The following IGFBP1 variants were observed in gnomAD, a reference collection of about 807,000 sequenced individuals.
IGFBP1 encodes the protein insulin-like growth factor-binding protein 1.
Under a neutral mutation model 23.1 loss-of-function variants are expected in IGFBP1, and 31 were observed. The observed-to-expected ratio is 1.34, with a 90% CI of 1.01 to 1.81. The LOEUF (loss-of-function observed/expected upper bound fraction) is 1.81, where lower values mean the gene tolerates loss of function less well. Among genes scored for constraint, IGFBP1 ranks in the 40% most tolerant of loss-of-function variants. The pLI is 0.00. For synonymous variants in IGFBP1, 148 were observed against 145.5 expected (o/e 1.02, Z -0.13); for missense variants, 333 against 342.2 (o/e 0.97, Z 0.21).
chr7:45,888,984 C>T lies in IGFBP1; in HGVS notation c.332C>T (p.Ser111Phe), dbSNP rs1331885776. The T allele has an allele frequency of 6.6e-7, 1 of 1,518,390 alleles. No homozygotes were observed. Among genetic ancestry groups the T allele is most frequent in the Non-Finnish European group, 8.8e-7 (1 of 1,139,824 alleles). The allele number at this position is 1,518,390 out of a possible 1,614,324, so 94.1% of individuals were successfully genotyped here. A position where few individuals can be genotyped will look rare whatever the true frequency, so the allele number is the denominator to read the frequency against. Residue 111 changes from serine (S) to phenylalanine (F), a missense_variant, in exon 1 of 4, where the codon TCC (serine) becomes TTC (phenylalanine). Transcript: ENST00000275525. Reference sequence around the variant, plus strand: ...GCCTGCGTGCAGGAGTCTGACGCCTCCGCTCCCCATGCTGCAGGTACCACA... The same window carrying T: ...GCCTGCGTGCAGGAGTCTGACGCCTTCGCTCCCCATGCTGCAGGTACCACA... ...QGACVQESDA[S>F]APHAAEAGSP... is the part of the protein sequence containing the mutation.
Position 45,892,981 on chromosome 7 carries a change from G to A in IGFBP1, c.670G>A (p.Glu224Lys). ...SRQCETSMDG[E>K]AGLCWCVYPW... ...GCAGTGTGAGACATCCATGGATGGA[G>A]AGGCGGGACTCTGCTGGTGCGTCTA... The change falls in exon 4 of 4, where the codon GAG (glutamate) becomes AAG (lysine). Residue 224 changes from glutamate to lysine, a missense_variant. Glu to Lys is a moderately conservative substitution (Grantham distance 56). Transcript: ENST00000275525. 1 of 1,612,924 alleles carries A rather than the reference G, an allele frequency of 6.2e-7. No homozygotes were observed. Among genetic ancestry groups the A allele is most frequent in the Non-Finnish European group, 8.5e-7 (1 of 1,179,376 alleles).
rs1020324299 is a variant in IGFBP1, at chr7:45,893,063, G to A, written c.752G>A (p.Cys251Tyr). 9 of 1,612,196 alleles carry A rather than the reference G, an allele frequency of 5.6e-6. No homozygotes were observed. ...CCAGAGATCAGGGGAGACCCCAACT[G>A]CCAGATATATTTTAATGTACAAAAC... ...GSPEIRGDPN[C>Y]QIYFNVQN is the part of the protein sequence containing the mutation. The change falls in exon 4 of 4, where the codon TGC (cysteine) becomes TAC (tyrosine). Residue 251 changes from cysteine (C) to tyrosine (Y), a missense_variant. Coordinates refer to ENST00000275525, the MANE Select transcript of IGFBP1 (RefSeq NM_000596.4).
rs936678582 is a variant in IGFBP1, at chr7:45,889,278, T to G, written c.349+277T>G. The stretch of plus-strand genomic sequence containing the variant: ...GGAGACTCAAGGAGGAAGCTCCCAC[T>G]TGGCCCTCGTAGCCCAGAGATCTTT... On this transcript the variant is annotated intron_variant, in intron 1 of 3. Transcript: ENST00000275525. Among the ~76,000 whole-genome samples the G allele has an allele frequency of 4.6e-5, 7 of 152,190 alleles. No homozygotes were observed. In the South Asian group the frequency reaches 1.4e-3, roughly 31 times the overall value.
chr7:45,891,952 C>T lies in IGFBP1; in HGVS notation c.540C>T (p.Leu180=), dbSNP rs371271611. 6.2e-6 allele frequency: 10 copies of T among 1,613,740 alleles called. No individual in the cohort carries two copies. The African/African-American group carries it at 1.2e-4, about 19-fold the overall frequency. The change falls in exon 3 of 4, where the codon CTC becomes CTT. Residue 180 remains leucine (L), a synonymous_variant. Transcript: ENST00000275525. ...KKWKEPCRIE[L]YRVVESLAKA... Reference sequence around the variant, plus strand: ...CTTAGGAGCCCTGCCGAATAGAACTCTACAGAGTCGTAGAGAGTTTAGCCA... The same window carrying T: ...CTTAGGAGCCCTGCCGAATAGAACTTTACAGAGTCGTAGAGAGTTTAGCCA...
Position 45,891,944 on chromosome 7 carries a change from A to G in IGFBP1, c.532A>G (p.Ile178Val). Residue 178 changes from isoleucine (I) to valine (V), a missense_variant, in exon 3 of 4, where the codon ATA becomes GTA. Physicochemically the swap from Ile to Val is conservative, Grantham distance 29. Coordinates refer to ENST00000275525, the MANE Select transcript of IGFBP1 (RefSeq NM_000596.4). ...NIKKWKEPCR[I>V]ELYRVVESLA... Reference sequence around the variant, plus strand: ...GTTATTCTCTTAGGAGCCCTGCCGAATAGAACTCTACAGAGTCGTAGAGAG... The same window carrying G: ...GTTATTCTCTTAGGAGCCCTGCCGAGTAGAACTCTACAGAGTCGTAGAGAG... The G allele has an allele frequency of 6.2e-7, 1 of 1,612,898 alleles. No individual in the cohort carries two copies.
Position 45,892,001 on chromosome 7 carries a change from G to T in IGFBP1, c.589G>T (p.Glu197Ter), listed in dbSNP as rs1787087574. ...LAKAQETSGE[E>*]ISKFYLPNCN... ...CAAGGCACAGGAGACATCAGGAGAA[G>T]AAATTTCCAAATTTTACCTGCCAAA... Residue 197 changes from glutamate to a stop codon, truncating the protein, a stop_gained, in exon 3 of 4, where the codon GAA (glutamate) becomes TAA (stop). Coordinates refer to ENST00000275525, the MANE Select transcript of IGFBP1 (RefSeq NM_000596.4). LOFTEE classifies it high-confidence loss of function. The T allele has an allele frequency of 6.2e-7, 1 of 1,614,076 alleles. No homozygotes were observed. The highest frequency in any genetic ancestry group is 1.3e-5 in the African/African-American group (1 of 74,942).
Position 45,893,056 on chromosome 7 carries a change from C to T in IGFBP1, c.745C>T (p.Pro249Ser). The T allele has an allele frequency of 6.2e-7, 1 of 1,612,246 alleles. No homozygotes were observed. The highest frequency in any genetic ancestry group is 8.5e-7 in the Non-Finnish European group (1 of 1,178,516). ...TGGGTCTCCAGAGATCAGGGGAGAC[C>T]CCAACTGCCAGATATATTTTAATGT... is the stretch of plus-strand genomic sequence containing the variant. Reference protein sequence around the residue: ...IPGSPEIRGDPNCQIYFNVQN With the variant: ...IPGSPEIRGDSNCQIYFNVQN Residue 249 changes from proline to serine, a missense_variant, in exon 4 of 4, where the codon CCC becomes TCC. Physicochemically the swap from Pro to Ser is moderately conservative, Grantham distance 74. Coordinates refer to ENST00000275525, the MANE Select transcript of IGFBP1 (RefSeq NM_000596.4).
rs1213194448 is a variant in IGFBP1 at position 45,888,842 on chromosome 7, G to T, written c.190G>T (p.Ala64Ser). 1 of 1,535,632 alleles carries T rather than the reference G, an allele frequency of 6.5e-7. No individual in the cohort carries two copies. The highest frequency in any genetic ancestry group is 1.2e-5 in the South Asian group (1 of 84,438). Residue 64 changes from alanine to serine, a missense_variant, in exon 1 of 4, where the codon GCC becomes TCC. Ala to Ser is a moderately conservative substitution (Grantham distance 99). Transcript: ENST00000275525. ...SAGCGCCPMC[A>S]LPLGAACGVA... is the part of the protein sequence containing the mutation. ...CGGCTGCGGCTGTTGCCCGATGTGC[G>T]CCCTGCCTCTGGGCGCCGCGTGCGG... is the stretch of plus-strand genomic sequence containing the variant.
rs775494697 is a variant in IGFBP1 at position 45,888,704 on chromosome 7, G to C, written c.52G>C (p.Val18Leu). 16 of 1,597,362 alleles carry C rather than the reference G, an allele frequency of 1.0e-5. No homozygotes were observed. The Admixed American group carries it at 1.2e-4, about 12-fold the overall frequency. The change falls in exon 1 of 4, where the codon GTC (valine) becomes CTC (leucine). Residue 18 changes from valine to leucine, a missense_variant. Val to Leu is a conservative substitution (Grantham distance 32). Coordinates refer to ENST00000275525, the MANE Select transcript of IGFBP1 (RefSeq NM_000596.4). ...CTGGCTGGTACTGCTCCTGCTGACT[G>C]TCCAGGTCGGCGTGACAGCCGGCGC... ...RVWLVLLLLT[V>L]QVGVTAGAPW...
At chr7:45,890,740 TG>T in intron 2 of IGFBP1, 23 bp downstream of exon 2, 1 of 1,579,710 alleles carries the variant, frequency 6.3e-7, no homozygotes. Context: ...AGGTGGGTGG[TG>T]GGAACTCTCC....
chr7:45,890,869 A>T, intron 2 of IGFBP1, 152 bp downstream of exon 2: 1 of 670,276 alleles, frequency 1.5e-6, no homozygotes, highest in Non-Finnish European at 2.4e-6. Flanking sequence ...TTTCTCAGTT[A>T]AACTTTGTCA....
chr7:45,890,672 T>C lies in IGFBP1; in HGVS notation c.474T>C (p.Tyr158=). 1 of 1,612,908 alleles carries C rather than the reference T, an allele frequency of 6.2e-7. No homozygotes were observed. Among genetic ancestry groups the C allele is most frequent in the Non-Finnish European group, 8.5e-7 (1 of 1,179,570 alleles). Residue 158 remains tyrosine (Y), a synonymous_variant, in exon 2 of 4, where the codon TAT becomes TAC. Coordinates refer to ENST00000275525, the MANE Select transcript of IGFBP1 (RefSeq NM_000596.4). ...HSILWDAIST[Y]DGSKALHVTN... ...TCCTTTGGGACGCCATCAGTACCTA[T>C]GATGGCTCGAAGGCTCTCCATGTCA...
At chr7:45,889,065 C>T in intron 1 of IGFBP1, 64 bp downstream of exon 1, 1 of 1,258,902 alleles carries the variant, frequency 7.9e-7, no homozygotes, top group East Asian at 2.8e-5. Context: ...CACCTCCCGC[C>T]CCCACTCCCC....
intron 1 of IGFBP1, 91 bp downstream of exon 1, chr7:45,889,092 C>T: frequency 1.0e-6 from 1 of 986,862 alleles, no homozygotes; most frequent in Non-Finnish European, 1.4e-6. Context: ...CTGGGTGGGG[C>T]TGCAGCCGGG....
intron 3 of IGFBP1, 82 bp from the exon 4 acceptor site, chr7:45,892,878 A>C: frequency 7.1e-7 from 1 of 1,417,648 alleles, no homozygotes. Context: ...GCTCGGCTGC[A>C]CTGAAAAAAG....
chr7:45,893,203 A>G lies in IGFBP1; in HGVS notation c.*112A>G. 3 of 436,098 alleles carry G rather than the reference A, an allele frequency of 6.9e-6. No individual in the cohort carries two copies. In the Admixed American group the frequency reaches 1.3e-4, roughly 19 times the overall value. The allele number at this position is 436,098 out of a possible 1,614,324, so 27.0% of individuals were successfully genotyped here. A position where few individuals can be genotyped will look rare whatever the true frequency, so the allele number is the denominator to read the frequency against. Reference sequence around the variant, plus strand: ...GTATATGTATATATATATAGTAACTACTTTTTATACTCCATACATAACTTG... The same window carrying G: ...GTATATGTATATATATATAGTAACTGCTTTTTATACTCCATACATAACTTG... On this transcript the variant is annotated 3_prime_UTR_variant, in exon 4 of 4. Coordinates refer to ENST00000275525, the MANE Select transcript of IGFBP1 (RefSeq NM_000596.4).
At position 45,891,798 on chromosome 7, in the gene IGFBP1, C is replaced by T. The variant is rs1065781; in HGVS notation, c.520-134C>T. ...GGCCCAGAGGGAGCACATCACATGA[C>T]ACCTAGTCCCAGGTCCCCGTGGCCA... is the stretch of plus-strand genomic sequence containing the variant. On this transcript the variant is annotated intron_variant, in intron 2 of 3. Transcript: ENST00000275525. 4.8e-3 allele frequency: 3,566 copies of T among 746,476 alleles called. 98 individuals carry two copies. In the African/African-American group the frequency reaches 0.057, roughly 12 times the overall value. The allele number at this position is 746,476 out of a possible 1,614,324, so 46.2% of individuals were successfully genotyped here.
Position 45,893,182 on chromosome 7 carries a change from A to G in IGFBP1, c.*91A>G, listed in dbSNP as rs932238692. On this transcript the variant is annotated 3_prime_UTR_variant, in exon 4 of 4. Coordinates refer to ENST00000275525, the MANE Select transcript of IGFBP1 (RefSeq NM_000596.4). ...CATGCACATTTATATATATATGTAT[A>G]TGTATATATATATAGTAACTACTTT... 6.0e-5 allele frequency: 35 copies of G among 583,212 alleles called. No individual in the cohort carries two copies. The highest frequency in any genetic ancestry group is 2.7e-4 in the Admixed American group (7 of 25,838). 36.1% of individuals were successfully genotyped at this position (583,212 alleles called of 1,614,324 possible).
Position 45,890,600 on chromosome 7 carries a change from C to T in IGFBP1, c.402C>T (p.Leu134=), listed in dbSNP as rs769217870. ...GCACGGAGATAACTGAGGAGGAGCT[C>T]CTGGATAATTTCCATCTGATGGCCC... ...PESTEITEEE[L]LDNFHLMAPS... is the part of the protein sequence containing the mutation. Residue 134 remains leucine (L), a synonymous_variant, in exon 2 of 4, where the codon CTC becomes CTT. Transcript: ENST00000275525. 1 of 1,613,798 alleles carries T rather than the reference C, an allele frequency of 6.2e-7. No homozygotes were observed. Among genetic ancestry groups the T allele is most frequent in the South Asian group, 1.1e-5 (1 of 91,064 alleles).
Sources: gnomAD v4.1 joint callset for allele counts (sites outside exome capture counted in the v4.1 genomes callset) on GRCh38, gnomAD v4.1.1 for gene constraint, MANE v1.5 for transcripts, NCBI Gene and HGNC (gene_info 2026-07-23, HGNC 2026-07-21) for gene names.